RXRA: variants seen among roughly 807,000 people sequenced by gnomAD.
RXRA encodes the protein retinoic acid receptor RXR-alpha.
A neutral mutation model predicts 44.5 loss-of-function variants in RXRA; 5 were observed. That is an observed-to-expected ratio of 0.11 (90% CI 0.06 to 0.24). The LOEUF is 0.24. Ranked by LOEUF, RXRA falls within the 10% of genes least tolerant of loss-of-function variation. The pLI is 1.00. For missense variants in RXRA, 412 were observed against 646.5 expected (o/e 0.64, Z 3.93); for synonymous variants, 291 against 271.4 (o/e 1.07, Z -0.71).
intron 6 of RXRA, among the ~76,000 whole-genome samples, chr9:134,427,774 A>G (rs945096241): frequency 1.1e-4 from 16 of 152,302 alleles, no homozygotes; most frequent in African/African-American, 3.8e-4. Flanking sequence ...TTACCCCCTC[A>G]TGCCTCAGTT....
chr9:134,330,308 G>A (rs1554746496), intron 1 of RXRA, among the ~76,000 whole-genome samples: 1 of 152,212 alleles, frequency 6.6e-6, no homozygotes, highest in Admixed American at 6.5e-5. Context: ...AGCTGGCTTT[G>A]GTGGCCAGGG....
chr9:134,368,519 G>A (rs1434823347), intron 1 of RXRA, among the ~76,000 whole-genome samples: 3 of 152,196 alleles, frequency 2.0e-5, no homozygotes, highest in South Asian at 2.1e-4. Context: ...GTGCCGTTCT[G>A]TTAGGGTGTG....
Position 134,417,299 on chromosome 9 carries a change from A to T in RXRA, c.752A>T (p.Glu251Val). ...AVEPKTETYV[E>V]ANMGLNPSSP... The stretch of plus-strand genomic sequence containing the variant: ...GAGCCCAAGACCGAGACCTACGTGG[A>T]GGCAAACATGGGGCTGAACCCCAGC... The change falls in exon 5 of 10, where the codon GAG becomes GTG. Residue 251 changes from glutamate (E) to valine (V), a missense_variant. Physicochemically the swap from Glu to Val is moderately radical, Grantham distance 121. Coordinates refer to ENST00000481739, the MANE Select transcript of RXRA (RefSeq NM_002957.6). The surrounding 1 kb of genome is among the most constrained non-coding windows in gnomAD (Gnocchi z 6.1). The T allele has an allele frequency of 6.2e-7, 1 of 1,613,742 alleles. No homozygotes were observed.
At chr9:134,411,993 G>A (rs1285011926) in intron 4 of RXRA, among the ~76,000 whole-genome samples, 1 of 152,158 alleles carries the variant, frequency 6.6e-6, no homozygotes. Context: ...GGCTTGGCAG[G>A]CACCCTCCTC....
At chr9:134,355,991 C>T (rs556078794) in intron 1 of RXRA, among the ~76,000 whole-genome samples, 21 of 152,280 alleles carry the variant, frequency 1.4e-4, no homozygotes, top group African/African-American at 2.2e-4. Context: ...TCGGGATGGC[C>T]GCTGGGCCCA....
At position 134,431,810 on chromosome 9, in the gene RXRA, C is replaced by T. The variant is rs566358959; in HGVS notation, c.1044-95C>T. On this transcript the variant is annotated intron_variant, in intron 7 of 9. Coordinates refer to ENST00000481739, the MANE Select transcript of RXRA (RefSeq NM_002957.6). ...GCCCATCTCAGCGGCCCTCGGGCCA[C>T]GCCGGGCTCTCCAGAGGCCTTGGGT... 39 of 961,074 alleles carry T rather than the reference C, an allele frequency of 4.1e-5. No homozygotes were observed. In the East Asian group the frequency reaches 7.6e-4, roughly 19 times the overall value. The allele number at this position is 961,074 out of a possible 1,614,324, so 59.5% of individuals were successfully genotyped here.
chr9:134,414,158 C>T (rs900783209), intron 4 of RXRA, among the ~76,000 whole-genome samples: 3 of 152,258 alleles, frequency 2.0e-5, no homozygotes, highest in Admixed American at 6.5e-5. Context: ...GCAGAGCTGC[C>T]AGGCCCTTCA....
intron 1 of RXRA, among the ~76,000 whole-genome samples, chr9:134,379,032 TGTCA>T (rs1052049539): frequency 1.3e-5 from 2 of 152,210 alleles, no homozygotes; most frequent in Non-Finnish European, 2.9e-5. Flanking sequence ...GCCACCCATT[TGTCA>T]GTCAGCAAAT....
intron 1 of RXRA, among the ~76,000 whole-genome samples, chr9:134,339,277 G>A (rs1830052612): frequency 1.3e-5 from 2 of 152,276 alleles, no homozygotes; most frequent in South Asian, 4.1e-4. Context: ...TGGCCTTCAG[G>A]GGCGCGTCGT....
chr9:134,329,013 C>T (rs1042025648), intron 1 of RXRA, among the ~76,000 whole-genome samples: 9 of 152,226 alleles, frequency 5.9e-5, no homozygotes, highest in African/African-American at 2.2e-4. Flanking sequence ...GGGCTGGCCG[C>T]GCTCCCACGC....
chr9:134,432,317 C>A (rs1036167719), intron 8 of RXRA, among the ~76,000 whole-genome samples: 1 of 152,234 alleles, frequency 6.6e-6, no homozygotes, highest in African/African-American at 2.4e-5. Flanking sequence ...CCGAAAGTGG[C>A]CAGCTGTGGT....
Position 134,439,911 on chromosome 9 carries a change from C to G in RXRA, c.*3297C>G, listed in dbSNP as rs1831702805. ...ACCCTCCTTTGGTGAAATCCGGGTT[C>G]GAATGAATATCTCAAGGCAGGAGAT... On this transcript the variant is annotated 3_prime_UTR_variant, in exon 10 of 10. Transcript: ENST00000481739. 1 of 152,292 alleles carries G rather than the reference C, an allele frequency of 6.6e-6. No individual in the cohort carries two copies. The highest frequency in any genetic ancestry group is 6.6e-5 in the Admixed American group (1 of 15,254). The allele number at this position is 152,292 out of a possible 1,614,324, so 9.4% of individuals were successfully genotyped here.
intron 4 of RXRA, among the ~76,000 whole-genome samples, chr9:134,415,028 T>G (rs1327754341): frequency 6.6e-6 from 1 of 152,200 alleles, no homozygotes; most frequent in Non-Finnish European, 1.5e-5. Flanking sequence ...CTCCCCATCC[T>G]GCCCCCACCC....
intron 1 of RXRA, among the ~76,000 whole-genome samples, chr9:134,395,311 G>T (rs77290724): frequency 0.064 from 9,790 of 152,372 alleles, 367 homozygotes; most frequent in South Asian, 0.15. Context: ...GTCCACCGCT[G>T]CTTCCTTCTC....
intron 6 of RXRA, chr9:134,424,843 T>G (rs1275889798): frequency 1.0e-6 from 1 of 985,178 alleles, no homozygotes; most frequent in Non-Finnish European, 1.2e-6. Flanking sequence ...GGACCAGGGG[T>G]GATCCTGCTG....
intron 1 of RXRA, among the ~76,000 whole-genome samples, chr9:134,363,805 T>C (rs1333433726): frequency 6.6e-6 from 1 of 152,136 alleles, no homozygotes; most frequent in African/African-American, 2.4e-5. Flanking sequence ...GACCTGAGCA[T>C]GGGGATCCCG....
chr9:134,437,408 C>G lies in RXRA; in HGVS notation c.*794C>G, dbSNP rs562361940. On this transcript the variant is annotated 3_prime_UTR_variant, in exon 10 of 10. Coordinates refer to ENST00000481739, the MANE Select transcript of RXRA (RefSeq NM_002957.6). ...CGACTCCCCGTTCAGACCAGAGTGCCCCGGCCCCTCCCCAGCCTGAGTCTT... is the reference window on the plus strand; with the variant it reads ...CGACTCCCCGTTCAGACCAGAGTGCGCCGGCCCCTCCCCAGCCTGAGTCTT... The G allele has an allele frequency of 6.6e-6, 1 of 152,626 alleles. No homozygotes were observed. Among genetic ancestry groups the G allele is most frequent in the Non-Finnish European group, 1.5e-5 (1 of 68,222 alleles). The allele number at this position is 152,626 out of a possible 1,614,324, so 9.5% of individuals were successfully genotyped here.
In RXRA at chr9:134,382,737, G is replaced by A. The variant is rs530611374; in HGVS notation, c.29-18895G>A. On this transcript the variant is annotated intron_variant, in intron 1 of 9. Transcript: ENST00000481739. Reference sequence around the variant, plus strand: ...TAACTATGTAACAGCCGGGTCTCTGGGAGGCCCTGGTCTGTGGCGTTGCCG... The same window carrying A: ...TAACTATGTAACAGCCGGGTCTCTGAGAGGCCCTGGTCTGTGGCGTTGCCG... 9.9e-5 allele frequency among the ~76,000 whole-genome samples: 15 copies of A among 152,270 alleles called. No homozygotes were observed. The South Asian group carries it at 3.1e-3, about 32-fold the overall frequency.
intron 6 of RXRA, chr9:134,422,231 C>G: frequency 3.1e-6 from 4 of 1,287,004 alleles, no homozygotes; most frequent in South Asian, 2.5e-5. Context: ...GACATACTCC[C>G]CACTCCTGGG....
Sources: allele counts gnomAD v4.1 joint callset (sites outside exome capture counted in the v4.1 genomes callset), GRCh38; gene constraint gnomAD v4.1.1; non-coding constraint Gnocchi (gnomAD v3.1); transcripts MANE v1.5; gene names NCBI Gene and HGNC (gene_info 2026-07-23, HGNC 2026-07-21).